FBXO4: variants seen among roughly 807,000 people sequenced by gnomAD.
The protein encoded by FBXO4 is F-box only protein 4.
Under a neutral mutation model 43.7 loss-of-function variants are expected in FBXO4, and 36 were observed. That is an observed-to-expected ratio of 0.82 (90% CI 0.63 to 1.09). The LOEUF (loss-of-function observed/expected upper bound fraction) is 1.09, where lower values mean the gene tolerates loss of function less well. Ranked by LOEUF, FBXO4 falls within the 50% of genes least tolerant of loss-of-function variation. The pLI, the probability that FBXO4 is intolerant of heterozygous loss-of-function variation, is 0.00. For synonymous variants in FBXO4, 180 were observed against 165.6 expected (o/e 1.09, Z -0.67); for missense variants, 435 against 474.1 (o/e 0.92, Z 0.77).
the FBXO4 span, among the ~76,000 whole-genome samples, chr5:41,963,433 ACT>A: frequency 0.012 from 1,759 of 152,166 alleles, 78 homozygotes; most frequent in Admixed American, 0.074. Context: ...TGTACAGTTG[ACT>A]CTTGAACAAC....
the FBXO4 span, among the ~76,000 whole-genome samples, chr5:41,999,507 G>A: frequency 0.056 from 6,022 of 107,710 alleles, 269 homozygotes; most frequent in African/African-American, 0.12. Context: ...ATATATATGT[G>A]TATATATATA....
the FBXO4 span, among the ~76,000 whole-genome samples, chr5:42,000,515 T>C: frequency 1.8e-4 from 27 of 152,236 alleles, no homozygotes; most frequent in Admixed American, 1.2e-3. Context: ...TTTGCAAATA[T>C]TTTCTCTCAT....
intron 3 of FBXO4, chr5:41,930,208 T>C (rs1751641366): frequency 3.6e-6 from 1 of 280,316 alleles, no homozygotes; most frequent in African/African-American, 2.2e-5. Context: ...TTTATCATGT[T>C]TGAAAAAGCA....
chr5:42,000,996 A>C, the FBXO4 span, among the ~76,000 whole-genome samples: 74 of 152,306 alleles, frequency 4.9e-4, no homozygotes, highest in African/African-American at 1.7e-3. Flanking sequence ...CACATTTAGA[A>C]ATCAGAAAGT....
At chr5:42,009,902 T>C in the FBXO4 span, among the ~76,000 whole-genome samples, 1 of 152,194 alleles carries the variant, frequency 6.6e-6, no homozygotes, top group Non-Finnish European at 1.5e-5. Context: ...AAACTAAAAC[T>C]CTATACATAT....
chr5:41,977,827 T>A, the FBXO4 span, among the ~76,000 whole-genome samples: 1 of 152,178 alleles, frequency 6.6e-6, no homozygotes, highest in African/African-American at 2.4e-5. Flanking sequence ...CTTTTCTTCT[T>A]CAATGCCCTC....
chr5:42,028,740 T>C, the FBXO4 span, among the ~76,000 whole-genome samples: 1 of 151,890 alleles, frequency 6.6e-6, no homozygotes, highest in Non-Finnish European at 1.5e-5. Context: ...GCAAATACTA[T>C]CTTATAACCC....
At chr5:42,015,478 A>G in the FBXO4 span, among the ~76,000 whole-genome samples, 1 of 152,192 alleles carries the variant, frequency 6.6e-6, no homozygotes, top group East Asian at 1.9e-4. Flanking sequence ...TCCTCAGATC[A>G]CATGCCTTCA....
At chr5:41,998,094 G>A in the FBXO4 span, among the ~76,000 whole-genome samples, 1,505 of 152,222 alleles carry the variant, frequency 9.9e-3, 19 homozygotes, top group African/African-American at 0.034. Context: ...ATGCCAAAGC[G>A]CTACATGAGT....
the FBXO4 span, among the ~76,000 whole-genome samples, chr5:41,997,201 A>C: frequency 4.5e-4 from 69 of 152,382 alleles, no homozygotes; most frequent in African/African-American, 1.6e-3. Flanking sequence ...TCAAGCAATG[A>C]AACCATATCA....
the FBXO4 span, among the ~76,000 whole-genome samples, chr5:42,004,172 G>A: frequency 6.6e-6 from 1 of 152,108 alleles, no homozygotes; most frequent in Non-Finnish European, 1.5e-5. Context: ...TTTATTCCAA[G>A]TTATTTTATC....
At chr5:42,026,103 G>C in the FBXO4 span, among the ~76,000 whole-genome samples, 1 of 151,864 alleles carries the variant, frequency 6.6e-6, no homozygotes, top group Non-Finnish European at 1.5e-5. Context: ...GATAGGAATT[G>C]CATTGATTCT....
chr5:41,933,884 A>G (rs1751768615), intron 3 of FBXO4, 62 bp from the exon 4 acceptor site: 1 of 1,372,522 alleles, frequency 7.3e-7, no homozygotes, highest in Admixed American at 2.0e-5. Flanking sequence ...GGTAATTTTC[A>G]GTGTGATCTT....
At chr5:42,038,054 T>C in the FBXO4 span, among the ~76,000 whole-genome samples, 4 of 151,994 alleles carry the variant, frequency 2.6e-5, no homozygotes, top group Non-Finnish European at 4.4e-5. Flanking sequence ...GGAAATGAGG[T>C]GGTATCTCCT....
chr5:41,989,932 C>T, the FBXO4 span, among the ~76,000 whole-genome samples: 170 of 152,200 alleles, frequency 1.1e-3, 2 homozygotes, highest in Non-Finnish European at 1.9e-3. Context: ...TGGGGAAATA[C>T]GGCAGGGACC....
the FBXO4 span, among the ~76,000 whole-genome samples, chr5:42,031,028 A>G: frequency 6.6e-6 from 1 of 152,196 alleles, no homozygotes; most frequent in Non-Finnish European, 1.5e-5. Flanking sequence ...AACTAGTTCA[A>G]CCATTGTGGA....
the FBXO4 span, among the ~76,000 whole-genome samples, chr5:41,979,594 C>T: frequency 6.6e-6 from 1 of 152,172 alleles, no homozygotes; most frequent in Non-Finnish European, 1.5e-5. Flanking sequence ...AACATGACAT[C>T]ACTCAATGTG....
the FBXO4 span, among the ~76,000 whole-genome samples, chr5:41,970,137 C>G: frequency 6.6e-6 from 1 of 152,014 alleles, no homozygotes; most frequent in East Asian, 1.9e-4. Context: ...TCATTTTTCT[C>G]ATTTAAAATA....
At chr5:42,017,603 CT>C in the FBXO4 span, among the ~76,000 whole-genome samples, 1 of 149,100 alleles carries the variant, frequency 6.7e-6, no homozygotes, top group Non-Finnish European at 1.5e-5. Context: ...TCCTGCCCCC[CT>C]CTAGTAGTCC....
Sources: gnomAD v4.1 joint callset for allele counts (sites outside exome capture counted in the v4.1 genomes callset) on GRCh38, gnomAD v4.1.1 for gene constraint, MANE v1.5 for transcripts, NCBI Gene and HGNC (gene_info 2026-07-23, HGNC 2026-07-21) for gene names.